The following NDUFB6 variants were observed in gnomAD, a reference collection of about 807,000 sequenced individuals.
NDUFB6 encodes NADH:ubiquinone oxidoreductase subunit B6, also known as NADH dehydrogenase [ubiquinone] 1 beta subcomplex subunit 6.
A neutral mutation model predicts 17.5 loss-of-function variants in NDUFB6; 23 were observed. The ratio of observed to expected loss-of-function variants is 1.31; its 90% CI spans 0.94 to 1.86. NDUFB6 has a LOEUF of 1.86. Ranked by LOEUF, NDUFB6 falls within the 40% of genes most tolerant of loss-of-function variation. The pLI is 0.00. For synonymous variants in NDUFB6, 60 were observed against 53.5 expected, an observed-to-expected ratio of 1.12 and a Z score of -0.53; for missense variants, 167 against 153.8, an observed-to-expected ratio of 1.09 and a Z score of -0.46.
intron 3 of NDUFB6, among the ~76,000 whole-genome samples, chr9:32,554,307 C>T (rs1821393303): frequency 6.6e-6 from 1 of 152,144 alleles, no homozygotes; most frequent in East Asian, 1.9e-4. Context: ...AGGTAATGTA[C>T]CCCCAGCAAC....
intron 2 of NDUFB6, chr9:32,566,693 C>G (rs964079287): frequency 2.4e-6 from 2 of 828,594 alleles, no homozygotes; most frequent in Non-Finnish European, 4.3e-6. Flanking sequence ...AGCTGTATCT[C>G]AGATAGCCAG....
intron 2 of NDUFB6, chr9:32,568,605 AAGTC>A: frequency 5.7e-6 from 1 of 175,128 alleles, no homozygotes; most frequent in South Asian, 1.7e-4. Context: ...GTGAAAATAA[AAGTC>A]AATCGATGTG....
At chr9:32,566,855 C>T (rs535724131) in intron 2 of NDUFB6, 17 of 760,190 alleles carry the variant, frequency 2.2e-5, no homozygotes, top group East Asian at 9.1e-5. Context: ...AGCTGCCGGG[C>T]GGCCTGGATG....
At chr9:32,566,084 G>T (rs1456683716) in intron 2 of NDUFB6, 2 of 417,198 alleles carry the variant, frequency 4.8e-6, no homozygotes, top group Non-Finnish European at 8.6e-6. Context: ...AAAAAAAAAA[G>T]GCACCTGTTA....
chr9:32,553,124 G>A lies in NDUFB6; in HGVS notation c.*752C>T, dbSNP rs1272034543. 1 of 458,492 alleles carries A rather than the reference G, an allele frequency of 2.2e-6. No individual in the cohort carries two copies. The highest frequency in any genetic ancestry group is 3.8e-6 in the Non-Finnish European group (1 of 263,580). The allele number at this position is 458,492 out of a possible 1,614,324, so 28.4% of individuals were successfully genotyped here. A position where few individuals can be genotyped will look rare whatever the true frequency, so the allele number is the denominator to read the frequency against. ...AATTAACAGCAACCTAAATCTGACA[G>A]TCTTGAGTGTCAGATCATAGTTGGA... On this transcript the variant is annotated 3_prime_UTR_variant, in exon 4 of 4. Transcript: ENST00000379847.
At position 32,561,288 on chromosome 9, in the gene NDUFB6, A is replaced by C. The variant is rs370261659; in HGVS notation, c.274-2334T>G. Among the ~76,000 whole-genome samples, 6 of 152,012 alleles carry C rather than the reference A, an allele frequency of 3.9e-5. No homozygotes were observed. The East Asian group carries it at 5.8e-4, about 15-fold the overall frequency. On this transcript the variant is annotated intron_variant, in intron 2 of 3. Transcript: ENST00000379847. ...GCCATGTCCACTTGGACATCTCCAA[A>C]ACTGCCATGGCAGCACACGCTCCTA...
chr9:32,559,497 G>C (rs546123314), intron 2 of NDUFB6, among the ~76,000 whole-genome samples: 1 of 152,288 alleles, frequency 6.6e-6, no homozygotes, highest in African/African-American at 2.4e-5. Context: ...GAAAAAGCCA[G>C]TCTTTTCTCC....
intron 2 of NDUFB6, among the ~76,000 whole-genome samples, chr9:32,563,145 T>G (rs533510786): frequency 6.6e-6 from 1 of 152,184 alleles, no homozygotes; most frequent in East Asian, 1.9e-4. Context: ...TAATGCTGTG[T>G]TCTTATTGCA....
chr9:32,553,877 TA>T lies in NDUFB6; in HGVS notation c.385del (p.Ter129LysfsTer7). Reference protein sequence around the residue: ...PMKEFPDQHH* With the variant: ...PMKEFPDQHHX ...GCCTTTTAACTTTTTACATAATCTT[TA>T]ATGATGTTGATCAGGAAATTCTTTC... is the stretch of plus-strand genomic sequence containing the variant. On this transcript the variant is annotated frameshift_variant and stop_lost, in exon 4 of 4. Transcript: ENST00000379847. LOFTEE classifies it high-confidence loss of function. 1.3e-6 allele frequency: 2 copies of T among 1,570,102 alleles called. No individual in the cohort carries two copies. Among genetic ancestry groups the T allele is most frequent in the Non-Finnish European group, 1.8e-6 (2 of 1,141,016 alleles).
Position 32,571,015 on chromosome 9 carries a change from G to C in NDUFB6, c.218C>G (p.Thr73Ser). 2 of 1,606,334 alleles carry C rather than the reference G, an allele frequency of 1.2e-6. No individual in the cohort carries two copies. The highest frequency in any genetic ancestry group is 1.7e-6 in the Non-Finnish European group (2 of 1,175,530). Reference protein sequence around the residue: ...GVYKKSIFVFTHVLVPVWIIH... With the variant: ...GVYKKSIFVFSHVLVPVWIIH... ...AATCCAGACAGGTACAAGTACATGA[G>C]TGAAAACAAAGATACTCTTTTTGTA... is the stretch of plus-strand genomic sequence containing the variant. The change falls in exon 2 of 4, where the codon ACT becomes AGT. Residue 73 changes from threonine (T) to serine (S), a missense_variant. Physicochemically the swap from Thr to Ser is moderately conservative, Grantham distance 58. Coordinates refer to ENST00000379847, the MANE Select transcript of NDUFB6 (RefSeq NM_002493.5).
chr9:32,557,469 A>AC (rs770341851), intron 3 of NDUFB6, among the ~76,000 whole-genome samples: 48 of 138,538 alleles, frequency 3.5e-4, no homozygotes, highest in Admixed American at 5.7e-4. Context: ...GATACCCCCT[A>AC]CTTTTTTTTT....
At chr9:32,567,023 A>G (rs771687028) in intron 2 of NDUFB6, 1 of 502,956 alleles carries the variant, frequency 2.0e-6, no homozygotes, top group Non-Finnish European at 4.0e-6. Context: ...CTAGAAGCAG[A>G]GGTAGCCCTT....
chr9:32,564,613 A>C lies in NDUFB6; in HGVS notation c.274-5659T>G, dbSNP rs544590371. The stretch of plus-strand genomic sequence containing the variant: ...ATGATTTAGAAAATGAGTCCTCTGT[A>C]ATCCAGTCCCACCCCCATGTCCCCC... On this transcript the variant is annotated intron_variant, in intron 2 of 3. Coordinates refer to ENST00000379847, the MANE Select transcript of NDUFB6 (RefSeq NM_002493.5). Among the ~76,000 whole-genome samples the C allele has an allele frequency of 2.0e-5, 3 of 152,334 alleles. No individual in the cohort carries two copies. The East Asian group carries it at 5.8e-4, about 29-fold the overall frequency.
intron 2 of NDUFB6, among the ~76,000 whole-genome samples, chr9:32,564,662 C>T (rs1164621843): frequency 1.3e-5 from 2 of 152,084 alleles, no homozygotes; most frequent in African/African-American, 4.8e-5. Flanking sequence ...TTCAGATCAG[C>T]GTTTCCTTCC....
At chr9:32,566,944 G>A in intron 2 of NDUFB6, 1 of 527,854 alleles carries the variant, frequency 1.9e-6, no homozygotes, top group Non-Finnish European at 3.6e-6. Flanking sequence ...CTGGCGTGAG[G>A]TGAGCAGCAC....
chr9:32,561,599 G>T (rs796644310), intron 2 of NDUFB6, among the ~76,000 whole-genome samples: 32 of 152,176 alleles, frequency 2.1e-4, no homozygotes, highest in African/African-American at 7.2e-4. Flanking sequence ...AAAGTGCCAG[G>T]ATTACAAGCA....
chr9:32,559,569 G>A (rs758077854), intron 2 of NDUFB6, among the ~76,000 whole-genome samples: 12 of 152,168 alleles, frequency 7.9e-5, no homozygotes, highest in Non-Finnish European at 1.8e-4. Flanking sequence ...AGTCAAGCCT[G>A]CTTGTGCCTC....
chr9:32,571,543 T>C (rs762249804), intron 1 of NDUFB6, among the ~76,000 whole-genome samples: 8 of 152,276 alleles, frequency 5.3e-5, no homozygotes, highest in East Asian at 3.9e-4. Context: ...CATACTAAGA[T>C]GGGGTGTCCC....
In NDUFB6 at chr9:32,558,953, T is replaced by C; in HGVS notation, c.275A>G (p.Glu92Gly). 1 of 1,581,678 alleles carries C rather than the reference T, an allele frequency of 6.3e-7. No homozygotes were observed. The highest frequency in any genetic ancestry group is 8.7e-7 in the Non-Finnish European group (1 of 1,153,812). Residue 92 changes from glutamate (E) to glycine (G), a missense_variant and splice_region_variant, in exon 3 of 4, where the codon GAA becomes GGA. Coordinates refer to ENST00000379847, the MANE Select transcript of NDUFB6 (RefSeq NM_002493.5). ...CTTTTCAACTATGCCATATGGTTTT[T>C]CCTGTAATAAAAGTTAACTCTGTGT... is the stretch of plus-strand genomic sequence containing the variant. ...IHYYMKYHVS[E>G]KPYGIVEKKS...
Sources: gnomAD v4.1 joint callset for allele counts (sites outside exome capture counted in the v4.1 genomes callset) on GRCh38, gnomAD v4.1.1 for gene constraint, MANE v1.5 for transcripts, NCBI Gene and HGNC (gene_info 2026-07-23, HGNC 2026-07-21) for gene names.